SARAF: variants seen among roughly 807,000 people sequenced by gnomAD.
SARAF encodes store-operated calcium entry-associated regulatory factor.
A neutral mutation model predicts 39.7 loss-of-function variants in SARAF; 23 were observed. That is an observed-to-expected ratio of 0.58 (90% CI 0.42 to 0.82). The LOEUF (loss-of-function observed/expected upper bound fraction) is 0.82. SARAF is among the 40% of genes least tolerant of loss of function. The pLI is 0.00. For missense variants in SARAF, 384 were observed against 418.5 expected, an observed-to-expected ratio of 0.92 and a Z score of 0.72; for synonymous variants, 175 against 168.5, an observed-to-expected ratio of 1.04 and a Z score of -0.30.
At position 30,082,987 on chromosome 8, in the gene SARAF, T is replaced by C. The variant is rs1043126597; in HGVS notation, c.-38A>G. The C allele has an allele frequency of 2.7e-6, 4 of 1,490,792 alleles. No homozygotes were observed. The South Asian group carries it at 5.0e-5, about 18-fold the overall frequency. 92.3% of individuals were successfully genotyped at this position (1,490,792 alleles called of 1,614,324 possible). A position where few individuals can be genotyped will look rare whatever the true frequency, so the allele number is the denominator to read the frequency against. On this transcript the variant is annotated 5_prime_UTR_variant, in exon 1 of 6. Coordinates refer to ENST00000256255, the MANE Select transcript of SARAF (RefSeq NM_016127.6). The stretch of plus-strand genomic sequence containing the variant: ...AGATGGCGCCGGGCTGCCAGACGCC[T>C]ACGGGCCGAACCTGGGTGCGGTAGC...
chr8:30,064,534 C>CATATATATATATATATAT (rs71204255), intron 5 of SARAF, among the ~76,000 whole-genome samples: 15 of 78,222 alleles, frequency 1.9e-4, no homozygotes, highest in African/African-American at 5.1e-4. Context: ...CTTACCTAGC[C>CATATATATATATATATAT]ATATATATAT....
At chr8:30,064,002 G>C in intron 5 of SARAF, 89 bp from the exon 6 acceptor site, 1 of 1,143,184 alleles carries the variant, frequency 8.7e-7, no homozygotes, top group South Asian at 1.4e-5. Flanking sequence ...TTTATTGTCA[G>C]CAAATGAATG....
chr8:30,078,677 T>C (rs758372865), intron 1 of SARAF, among the ~76,000 whole-genome samples: 1 of 152,106 alleles, frequency 6.6e-6, no homozygotes, highest in African/African-American at 2.4e-5. Flanking sequence ...ATCTAATCAA[T>C]CTAATAAACT....
chr8:30,066,596 A>G (rs1401376806), intron 4 of SARAF, among the ~76,000 whole-genome samples, 181 bp downstream of exon 4: 3 of 152,230 alleles, frequency 2.0e-5, no homozygotes, highest in Admixed American at 2.0e-4. Flanking sequence ...GTGAAAGAAA[A>G]TAACATACAC....
chr8:30,082,736 CG>C, intron 1 of SARAF, 110 bp downstream of exon 1: 1 of 793,094 alleles, frequency 1.3e-6, no homozygotes. Context: ...ATGGGGAATC[CG>C]GGCACCCAGG....
At chr8:30,077,026 C>T (rs1449475422) in intron 1 of SARAF, among the ~76,000 whole-genome samples, 1 of 152,080 alleles carries the variant, frequency 6.6e-6, no homozygotes, top group Non-Finnish European at 1.5e-5. Context: ...AAGAAGAAAA[C>T]TTTTTTAAAA....
chr8:30,080,411 G>C (rs982136802), intron 1 of SARAF, among the ~76,000 whole-genome samples: 1 of 152,170 alleles, frequency 6.6e-6, no homozygotes, highest in Admixed American at 6.5e-5. Context: ...CACCCTAACA[G>C]TGACTTCCCT....
intron 2 of SARAF, among the ~76,000 whole-genome samples, chr8:30,073,277 C>G (rs536034612): frequency 6.6e-6 from 1 of 152,302 alleles, no homozygotes; most frequent in African/African-American, 2.4e-5. Context: ...AAATATGTAA[C>G]TAGTGATTTA....
chr8:30,078,171 C>G (rs1246695329), intron 1 of SARAF: 2 of 262,624 alleles, frequency 7.6e-6, no homozygotes, highest in Non-Finnish European at 1.4e-5. Flanking sequence ...AGAAAAAAGA[C>G]AGTAGGAGGA....
At position 30,074,064 on chromosome 8, in the gene SARAF, G is replaced by A. The variant is rs375759961; in HGVS notation, c.104-9C>T. ...CCGCAGCAACATTCTGTCTGAAACA[G>A]CAAGAAAACAGAGGAACACAAAGTA... On this transcript the variant is annotated splice_polypyrimidine_tract_variant and intron_variant, in intron 1 of 5. Transcript: ENST00000256255. 1 of 1,607,480 alleles carries A rather than the reference G, an allele frequency of 6.2e-7. No homozygotes were observed. The highest frequency in any genetic ancestry group is 8.5e-7 in the Non-Finnish European group (1 of 1,175,626).
In SARAF at chr8:30,063,438, A is replaced by T; in HGVS notation, c.*450T>A. On this transcript the variant is annotated 3_prime_UTR_variant, in exon 6 of 6. Coordinates refer to ENST00000256255, the MANE Select transcript of SARAF (RefSeq NM_016127.6). ...CATAATTAGTCCAAAGCTTGATTTA[A>T]ATGTTTGAAGAACAGCAAACATCAA... 1 of 157,190 alleles carries T rather than the reference A, an allele frequency of 6.4e-6. No individual in the cohort carries two copies. The highest frequency in any genetic ancestry group is 1.4e-5 in the Non-Finnish European group (1 of 71,354). 9.7% of individuals were successfully genotyped at this position (157,190 alleles called of 1,614,324 possible). A position where few individuals can be genotyped will look rare whatever the true frequency, so the allele number is the denominator to read the frequency against.
chr8:30,064,514 G>C (rs1274879144), intron 5 of SARAF, among the ~76,000 whole-genome samples: 1 of 125,016 alleles, frequency 8.0e-6, no homozygotes, highest in East Asian at 2.3e-4. Context: ...ATATTTTTCT[G>C]TCATGATGTC....
rs774591399 is a variant in SARAF at position 30,066,134 on chromosome 8, G to A, written c.848C>T (p.Ala283Val). The A allele has an allele frequency of 1.2e-6, 2 of 1,613,766 alleles. No individual in the cohort carries two copies. Among genetic ancestry groups the A allele is most frequent in the East Asian group, 4.5e-5 (2 of 44,886 alleles). Residue 283 changes from alanine to valine, a missense_variant, in exon 5 of 6, where the codon GCA becomes GTA. Coordinates refer to ENST00000256255, the MANE Select transcript of SARAF (RefSeq NM_016127.6). ...LGYLFGSNRA[A>V]TPFSDSWYYP... Reference sequence around the variant, plus strand: ...GTACCACGAGTCTGAGAAGGGTGTTGCCGCTCTTTAAAGGGATAAAAGTAG... The same window carrying A: ...GTACCACGAGTCTGAGAAGGGTGTTACCGCTCTTTAAAGGGATAAAAGTAG...
At chr8:30,082,268 G>C (rs985013251) in intron 1 of SARAF, 17 of 152,584 alleles carry the variant, frequency 1.1e-4, no homozygotes, top group African/African-American at 3.1e-4. Flanking sequence ...AACCCAGGAG[G>C]CGGAGGTTGC....
At position 30,066,867 on chromosome 8, in the gene SARAF, G is replaced by C. The variant is rs756132063; in HGVS notation, c.752C>G (p.Thr251Arg). The change falls in exon 4 of 6, where the codon ACA becomes AGA. Residue 251 changes from threonine to arginine, a missense_variant. By Grantham distance (71) the Thr-to-Arg change is moderately conservative. Transcript: ENST00000256255. ...GATSGFGSAFTGQQGYENSGP... is the reference protein window; with the variant it reads ...GATSGFGSAFRGQQGYENSGP... ...TGAATTTTCATATCCTTGTTGTCCT[G>C]TAAAAGCACTGCCAAAACCAGAAGT... 1 of 1,614,112 alleles carries C rather than the reference G, an allele frequency of 6.2e-7. No homozygotes were observed. Among genetic ancestry groups the C allele is most frequent in the Admixed American group, 1.7e-5 (1 of 60,018 alleles).
intron 2 of SARAF, among the ~76,000 whole-genome samples, chr8:30,071,829 T>C (rs1303220584): frequency 4.9e-4 from 3 of 6,152 alleles, no homozygotes; most frequent in Non-Finnish European, 0.016. Flanking sequence ...TGCATGGATA[T>C]ACCACTTTTA....
rs1434385762 is a variant in SARAF, at chr8:30,076,000, AAAAAC to A, written c.104-1950_104-1946del. Reference sequence around the variant, plus strand: ...AATCCCTAAAAAAAAACAAAAAAAAAAAAACAAAAAACGGGAAATGGCAGCTCTGG... The same window carrying A: ...AATCCCTAAAAAAAAACAAAAAAAAAAAAAAACGGGAAATGGCAGCTCTGG... On this transcript the variant is annotated intron_variant, in intron 1 of 5. Coordinates refer to ENST00000256255, the MANE Select transcript of SARAF (RefSeq NM_016127.6). Among the ~76,000 whole-genome samples, 10 of 146,190 alleles carry A rather than the reference AAAAAC, an allele frequency of 6.8e-5. 3 individuals are homozygous for A. The highest frequency in any genetic ancestry group is 1.9e-4 in the East Asian group (1 of 5,130).
At chr8:30,074,516 C>A (rs945497197) in intron 1 of SARAF, among the ~76,000 whole-genome samples, 6 of 152,154 alleles carry the variant, frequency 3.9e-5, no homozygotes, top group African/African-American at 1.2e-4. Context: ...AACTAGAATT[C>A]ATGTATCAAA....
chr8:30,069,233 G>C (rs576748117), intron 3 of SARAF, among the ~76,000 whole-genome samples: 1 of 134,322 alleles, frequency 7.4e-6, no homozygotes, highest in Non-Finnish European at 1.5e-5. Context: ...TCCACCTCCC[G>C]GGTTCAAGTG....
Sources: allele counts gnomAD v4.1 joint callset (sites outside exome capture counted in the v4.1 genomes callset), GRCh38; gene constraint gnomAD v4.1.1; transcripts MANE v1.5; gene names NCBI Gene and HGNC (gene_info 2026-07-23, HGNC 2026-07-21).